TMEM273: variants seen among roughly 807,000 people sequenced by gnomAD.
TMEM273 encodes transmembrane protein 273.
A neutral mutation model predicts 17.9 loss-of-function variants in TMEM273; 19 were observed. That is an observed-to-expected ratio of 1.06 (90% CI 0.74 to 1.55). The LOEUF is 1.55. Among genes scored for constraint, TMEM273 ranks in the 40% most tolerant of loss-of-function variants. TMEM273 has a pLI of 0.00. For missense variants in TMEM273, 194 were observed against 155.6 expected, an observed-to-expected ratio of 1.25 and a Z score of -1.31; for synonymous variants, 66 against 62.0, an observed-to-expected ratio of 1.07 and a Z score of -0.31.
At chr10:49,176,294 C>G (rs568689768) in intron 1 of TMEM273, among the ~76,000 whole-genome samples, 57 of 152,308 alleles carry the variant, frequency 3.7e-4, no homozygotes, top group African/African-American at 1.3e-3. Flanking sequence ...GGAAGGTGCT[C>G]AGGTCAGAAA....
chr10:49,183,732 T>C lies in TMEM273; in HGVS notation c.43+4562A>G, dbSNP rs1291589285. Among the ~76,000 whole-genome samples, 3 of 152,158 alleles carry C rather than the reference T, an allele frequency of 2.0e-5. No individual in the cohort carries two copies. In the East Asian group the frequency reaches 5.8e-4, roughly 29 times the overall value. On this transcript the variant is annotated intron_variant, in intron 1 of 6. Coordinates refer to ENST00000374153, the MANE Select transcript of TMEM273 (RefSeq NM_001288740.3). The stretch of plus-strand genomic sequence containing the variant: ...AATGGGCATGACTACAATAAGAGTA[T>C]CTGCCTTGGGGCTGAGAAATGAACA...
At chr10:49,168,904 G>T (rs2132169791) in intron 1 of TMEM273, among the ~76,000 whole-genome samples, 1 of 152,302 alleles carries the variant, frequency 6.6e-6, no homozygotes, top group Non-Finnish European at 1.5e-5. Flanking sequence ...CTCTGAGACG[G>T]ACACTGGGTG....
At chr10:49,183,009 C>T (rs544070573) in intron 1 of TMEM273, among the ~76,000 whole-genome samples, 20 of 152,056 alleles carry the variant, frequency 1.3e-4, no homozygotes, top group East Asian at 9.7e-4. Context: ...GAAAGCTGTG[C>T]GCTTCAAAAA....
At chr10:49,173,472 T>C (rs1846723036) in intron 1 of TMEM273, among the ~76,000 whole-genome samples, 1 of 152,188 alleles carries the variant, frequency 6.6e-6, no homozygotes, top group Admixed American at 6.5e-5. Context: ...TGCTGCTCTC[T>C]TTGCCGCAAT....
chr10:49,173,560 A>C (rs1021064841), intron 1 of TMEM273, among the ~76,000 whole-genome samples: 5 of 152,144 alleles, frequency 3.3e-5, no homozygotes, highest in Admixed American at 2.0e-4. Flanking sequence ...TGCTCTCGTC[A>C]GTCCAGGATC....
chr10:49,178,243 C>T (rs1382239378), intron 1 of TMEM273: 3 of 457,312 alleles, frequency 6.6e-6, no homozygotes, highest in East Asian at 1.4e-4. Flanking sequence ...TTGCCCGGGG[C>T]CTCAGCAGAG....
intron 1 of TMEM273, among the ~76,000 whole-genome samples, chr10:49,180,795 C>T (rs572373344): frequency 2.0e-5 from 3 of 152,312 alleles, no homozygotes; most frequent in Admixed American, 2.0e-4. Flanking sequence ...TCTGCAAAAG[C>T]ACCTACAGCT....
chr10:49,171,158 G>A (rs909275140), intron 1 of TMEM273, among the ~76,000 whole-genome samples: 1 of 152,242 alleles, frequency 6.6e-6, no homozygotes, highest in Non-Finnish European at 1.5e-5. Context: ...ACTGAGGTAA[G>A]GCTGTGTGAA....
intron 6 of TMEM273, among the ~76,000 whole-genome samples, chr10:49,156,759 C>G (rs1170190785): frequency 6.6e-6 from 1 of 152,318 alleles, no homozygotes; most frequent in South Asian, 2.1e-4. Flanking sequence ...ATAAAACAGA[C>G]AGCACATATT....
At chr10:49,173,198 G>A (rs1846697095) in intron 1 of TMEM273, among the ~76,000 whole-genome samples, 1 of 152,230 alleles carries the variant, frequency 6.6e-6, no homozygotes, top group South Asian at 2.1e-4. Flanking sequence ...TGTGCCCGAA[G>A]CACTTCTCCC....
At chr10:49,158,439 T>G (rs1845644925) in intron 6 of TMEM273, among the ~76,000 whole-genome samples, 2 of 152,210 alleles carry the variant, frequency 1.3e-5, no homozygotes. Flanking sequence ...GAAAGATTTT[T>G]GTTTCTGTGG....
At chr10:49,179,808 C>T in intron 1 of TMEM273, among the ~76,000 whole-genome samples, 1 of 152,186 alleles carries the variant, frequency 6.6e-6, no homozygotes, top group Non-Finnish European at 1.5e-5. Flanking sequence ...GAAAAGCCAG[C>T]TCCCACGAGC....
intron 3 of TMEM273, among the ~76,000 whole-genome samples, chr10:49,166,164 T>C (rs977552394): frequency 1.3e-5 from 2 of 152,024 alleles, no homozygotes; most frequent in Non-Finnish European, 2.9e-5. Flanking sequence ...AAGCACCCCA[T>C]GGAAAACTGC....
At chr10:49,165,084 A>C in intron 5 of TMEM273, 121 bp downstream of exon 5, 19 of 1,369,264 alleles carry the variant, frequency 1.4e-5, no homozygotes, top group Non-Finnish European at 1.7e-5. Flanking sequence ...TTAGAAAAAA[A>C]CCCATGCAAA....
chr10:49,178,378 A>G, intron 1 of TMEM273: 3 of 443,910 alleles, frequency 6.8e-6, no homozygotes, highest in Non-Finnish European at 9.1e-6. Flanking sequence ...CAGGTTCTAG[A>G]GCAATGGCCC....
At chr10:49,184,348 G>A (rs1483597329) in intron 1 of TMEM273, among the ~76,000 whole-genome samples, 1 of 152,060 alleles carries the variant, frequency 6.6e-6, no homozygotes, top group Non-Finnish European at 1.5e-5. Context: ...CACAACAAAG[G>A]AAGCCACAAA....
At position 49,155,849 on chromosome 10, in the gene TMEM273, C is replaced by A. The variant is rs1331089659; in HGVS notation, c.*43G>T. On this transcript the variant is annotated 3_prime_UTR_variant, in exon 7 of 7. Coordinates refer to ENST00000374153, the MANE Select transcript of TMEM273 (RefSeq NM_001288740.3). ...GAGATGTTAACCATGGGCTGTTTTC[C>A]ACGGGGCTAGAACCCCTCTTCACGT... 4 of 1,613,890 alleles carry A rather than the reference C, an allele frequency of 2.5e-6. No homozygotes were observed. The highest frequency in any genetic ancestry group is 3.4e-6 in the Non-Finnish European group (4 of 1,180,002).
chr10:49,184,680 C>T (rs887367029), intron 1 of TMEM273, among the ~76,000 whole-genome samples: 1 of 152,120 alleles, frequency 6.6e-6, no homozygotes. Flanking sequence ...TGGCCACAAC[C>T]CCCTGGTGGA....
At chr10:49,161,487 C>T in intron 6 of TMEM273, 112 bp downstream of exon 6, 2 of 1,393,632 alleles carry the variant, frequency 1.4e-6, no homozygotes, top group East Asian at 2.3e-5. Flanking sequence ...GCCATGGTTG[C>T]CCGTCCCACG....
Sources: gnomAD v4.1 joint callset for allele counts (sites outside exome capture counted in the v4.1 genomes callset) on GRCh38, gnomAD v4.1.1 for gene constraint, MANE v1.5 for transcripts, NCBI Gene and HGNC (gene_info 2026-07-23, HGNC 2026-07-21) for gene names.